TTC13: variants seen among roughly 807,000 people sequenced by gnomAD.
TTC13 encodes the protein tetratricopeptide repeat protein 13.
TTC13 carries 62 observed loss-of-function variants against 120.0 expected under a neutral mutation model. That is an observed-to-expected ratio of 0.52 (90% CI 0.42 to 0.64). TTC13 has a LOEUF of 0.64. TTC13 is among the 30% of genes least tolerant of loss of function. TTC13 has a pLI of 0.00. For missense variants in TTC13, 824 were observed against 1,050.2 expected (o/e 0.78, Z 2.98); for synonymous variants, 384 against 393.5 (o/e 0.98, Z 0.28).
At chr1:230,924,750 A>G in intron 14 of TTC13, 91 bp downstream of exon 14, 1 of 1,488,422 alleles carries the variant, frequency 6.7e-7, no homozygotes, top group Non-Finnish European at 9.2e-7. Flanking sequence ...TTAGCAAGCA[A>G]AACAGGGTTC....
chr1:230,928,675 C>T lies in TTC13; in HGVS notation c.1457+262G>A, dbSNP rs185446690. 1.4e-4 allele frequency among the ~76,000 whole-genome samples: 22 copies of T among 152,302 alleles called. No homozygotes were observed. The East Asian group carries it at 3.7e-3, about 25-fold the overall frequency. ...ACTCCCAATGGTAATGTTAATGTAT[C>T]TACCATTTCATAAGTTAAAATGATG... On this transcript the variant is annotated intron_variant, in intron 12 of 22. Coordinates refer to ENST00000366661, the MANE Select transcript of TTC13 (RefSeq NM_024525.5).
chr1:230,931,906 A>G, intron 9 of TTC13, 29 bp from the exon 10 acceptor site: 2 of 1,602,540 alleles, frequency 1.2e-6, no homozygotes, highest in Admixed American at 1.7e-5. Flanking sequence ...TTATGAATAC[A>G]GTATAGATAT....
intron 2 of TTC13, among the ~76,000 whole-genome samples, chr1:230,958,762 A>G (rs1387139868): frequency 6.6e-6 from 1 of 152,216 alleles, no homozygotes; most frequent in Non-Finnish European, 1.5e-5. Context: ...AGACCAAGGT[A>G]GGAAGATCAC....
intron 1 of TTC13, among the ~76,000 whole-genome samples, chr1:230,968,631 C>A (rs1013084734): frequency 3.3e-5 from 5 of 151,998 alleles, no homozygotes; most frequent in Non-Finnish European, 7.4e-5. Flanking sequence ...GAGGCAGCAG[C>A]CATCGGGTTG....
intron 1 of TTC13, among the ~76,000 whole-genome samples, chr1:230,977,408 G>A (rs776544196): frequency 9.2e-5 from 14 of 152,164 alleles, no homozygotes; most frequent in Non-Finnish European, 1.5e-4. Context: ...ACAGAGGTAA[G>A]TAAATGCCAT....
At chr1:230,970,660 G>A (rs563065292) in intron 1 of TTC13, among the ~76,000 whole-genome samples, 6 of 152,304 alleles carry the variant, frequency 3.9e-5, no homozygotes, top group African/African-American at 1.4e-4. Flanking sequence ...CACCTCCAAG[G>A]AAGGAGAGAA....
intron 3 of TTC13, chr1:230,956,456 A>G (rs1214046464): frequency 3.9e-6 from 1 of 259,044 alleles, no homozygotes; most frequent in Non-Finnish European, 7.5e-6. Context: ...GTCACTTCTC[A>G]TAACTGTCTG....
chr1:230,978,647 G>T lies in TTC13; in HGVS notation c.184C>A (p.Arg62=). 6.8e-7 allele frequency: 1 copy of T among 1,473,448 alleles called. No homozygotes were observed. Among genetic ancestry groups the T allele is most frequent in the African/African-American group, 1.5e-5 (1 of 68,154 alleles). The allele number at this position is 1,473,448 out of a possible 1,614,324, so 91.3% of individuals were successfully genotyped here. ...CCCGCCGGGGCCTCCTGCTGCTGCCGGTGCTGCAGCTCCTGCTTGAGCAGG... is the reference window on the plus strand; with the variant it reads ...CCCGCCGGGGCCTCCTGCTGCTGCCTGTGCTGCAGCTCCTGCTTGAGCAGG... ...LSLLKQELQH[R]QQQEAPAGGG... is the part of the protein sequence containing the mutation. Residue 62 remains arginine, a synonymous_variant, in exon 1 of 23, where the codon CGG becomes AGG. Transcript: ENST00000366661. The surrounding 1 kb of genome is among the most constrained non-coding windows in gnomAD (Gnocchi z 5.6).
intron 5 of TTC13, 151 bp downstream of exon 5, chr1:230,945,238 T>C (rs1674876272): frequency 4.1e-6 from 3 of 733,304 alleles, no homozygotes; most frequent in African/African-American, 1.7e-5. Context: ...GTCCACCACT[T>C]ACTAGCTGCC....
chr1:230,957,556 T>C (rs12132896), intron 3 of TTC13, among the ~76,000 whole-genome samples: 48,419 of 152,112 alleles, frequency 0.32, 7,810 homozygotes, highest in Middle Eastern at 0.48. Flanking sequence ...GGTGCTTTGG[T>C]GACTGGGCCC....
At chr1:230,930,277 G>A (rs952240171) in intron 11 of TTC13, among the ~76,000 whole-genome samples, 2 of 152,040 alleles carry the variant, frequency 1.3e-5, no homozygotes, top group East Asian at 3.9e-4. Flanking sequence ...ATATTGAATG[G>A]ATATTTTGGG....
chr1:230,925,935 C>A (rs999950161), intron 12 of TTC13, among the ~76,000 whole-genome samples: 1 of 152,156 alleles, frequency 6.6e-6, no homozygotes, highest in Non-Finnish European at 1.5e-5. Context: ...TTGTAAACTT[C>A]TCCAGAATAC....
At position 230,960,435 on chromosome 1, in the gene TTC13, G is replaced by C. The variant is rs564018746; in HGVS notation, c.366+774C>G. 1.6e-3 allele frequency among the ~76,000 whole-genome samples: 248 copies of C among 152,242 alleles called. 1 individual carries two copies. Among genetic ancestry groups the C allele is most frequent in the Non-Finnish European group, 2.7e-3 (182 of 68,022 alleles). ...TTACAAGACAGCCCCTTCTGATTTTGGGCAAGTCTAATTCGAGAGTTTTCC... is the reference window on the plus strand; with the variant it reads ...TTACAAGACAGCCCCTTCTGATTTTCGGCAAGTCTAATTCGAGAGTTTTCC... On this transcript the variant is annotated intron_variant, in intron 2 of 22. Transcript: ENST00000366661.
At chr1:230,908,297 C>T in intron 22 of TTC13, 1 of 406,750 alleles carries the variant, frequency 2.5e-6, no homozygotes, top group South Asian at 1.8e-5. Flanking sequence ...AAGAGATCCT[C>T]TCGCTTCAGC....
At chr1:230,950,186 C>A (rs530528357) in intron 4 of TTC13, among the ~76,000 whole-genome samples, 2 of 151,908 alleles carry the variant, frequency 1.3e-5, no homozygotes, top group Non-Finnish European at 2.9e-5. Flanking sequence ...TAAAAACCAA[C>A]GTTTATTCCT....
intron 15 of TTC13, among the ~76,000 whole-genome samples, chr1:230,923,327 A>G (rs1171734352): frequency 4.6e-5 from 7 of 152,090 alleles, no homozygotes; most frequent in Non-Finnish European, 8.8e-5. Flanking sequence ...GACAAAACAG[A>G]AGTTTTCCAG....
intron 4 of TTC13, among the ~76,000 whole-genome samples, chr1:230,947,149 T>C (rs755066356): frequency 6.6e-6 from 1 of 151,750 alleles, no homozygotes; most frequent in Non-Finnish European, 1.5e-5. Context: ...TTTTAGAAAA[T>C]GAAGAAAAGC....
intron 11 of TTC13, among the ~76,000 whole-genome samples, chr1:230,930,833 G>A (rs946353314): frequency 2.0e-5 from 3 of 152,140 alleles, no homozygotes; most frequent in Non-Finnish European, 2.9e-5. Flanking sequence ...CAGGAGAATG[G>A]GATGAACCCA....
chr1:230,914,201 A>T (rs547556366), intron 18 of TTC13, among the ~76,000 whole-genome samples: 19 of 152,176 alleles, frequency 1.2e-4, no homozygotes, highest in African/African-American at 4.3e-4. Flanking sequence ...TTGACCCTTG[A>T]ACAACATGGG....
Sources: allele counts gnomAD v4.1 joint callset (sites outside exome capture counted in the v4.1 genomes callset), GRCh38; gene constraint gnomAD v4.1.1; non-coding constraint Gnocchi (gnomAD v3.1); transcripts MANE v1.5; gene names NCBI Gene and HGNC (gene_info 2026-07-23, HGNC 2026-07-21).